Variants in DCX observed in about 807,000 individuals in gnomAD.
DCX encodes neuronal migration protein doublecortin.
A neutral mutation model predicts 20.9 loss-of-function variants in DCX; 4 were observed. That is an observed-to-expected ratio of 0.19 (90% CI 0.09 to 0.44). The LOEUF (loss-of-function observed/expected upper bound fraction) is 0.44. Among genes scored for constraint, DCX ranks in the 20% least tolerant of loss-of-function variants. The probability of loss-of-function intolerance (pLI) is 0.99; values close to 1 mark genes in which losing one functional copy is unlikely to be tolerated. For synonymous variants in DCX, 103 were observed against 111.4 expected (o/e 0.92, Z 0.47); for missense variants, 133 against 296.9 (o/e 0.45, Z 4.06).
chrX:111,346,382 A>G (rs1922826474), intron 3 of DCX, among the ~76,000 whole-genome samples: 1 of 112,753 alleles, frequency 8.9e-6, no homozygotes. Context: ...GCTACAAAAA[A>G]GAATGCAGTT....
intron 3 of DCX, among the ~76,000 whole-genome samples, chrX:111,381,703 C>T (rs947027536): frequency 7.2e-5 from 8 of 111,260 alleles, no homozygotes; most frequent in Admixed American, 1.9e-4. Context: ...TCTATTAAGA[C>T]GTAACTCCCA....
intron 3 of DCX, among the ~76,000 whole-genome samples, chrX:111,370,363 C>T (rs1422456401): frequency 8.9e-6 from 1 of 111,745 alleles, no homozygotes; most frequent in Admixed American, 9.5e-5. Flanking sequence ...ATAGCATGAG[C>T]ATCACCTAAA....
At chrX:111,386,146 A>G (rs760353007) in intron 3 of DCX, among the ~76,000 whole-genome samples, 1 of 110,819 alleles carries the variant, frequency 9.0e-6, no homozygotes, top group African/African-American at 3.3e-5. Context: ...AGCTAGGGGG[A>G]TGGGAACCTA....
chrX:111,398,585 A>G (rs1355312401), intron 3 of DCX, among the ~76,000 whole-genome samples: 1 of 111,350 alleles, frequency 9.0e-6, no homozygotes, highest in Non-Finnish European at 1.9e-5. Context: ...ATATGCTGGT[A>G]TTTTGTAATA....
intron 3 of DCX, among the ~76,000 whole-genome samples, chrX:111,365,268 C>CATT (rs1463371385): frequency 6.5e-5 from 7 of 108,509 alleles, no homozygotes; most frequent in Non-Finnish European, 1.3e-4. Flanking sequence ...ACTGTTCACT[C>CATT]ATTATTTATG....
Position 111,350,900 on chromosome X carries a change from A to G in DCX, c.706-17747T>C, listed in dbSNP as rs141885728. The stretch of plus-strand genomic sequence containing the variant: ...GGCAAGGATGAGCAAGTCACATCTT[A>G]CTTACATGGTGGCAGAGAAGAGGGA... On this transcript the variant is annotated intron_variant, in intron 3 of 6. Coordinates refer to ENST00000636035, the MANE Select transcript of DCX (RefSeq NM_001195553.2). 6.9e-4 allele frequency among the ~76,000 whole-genome samples: 78 copies of G among 112,251 alleles called. No homozygotes were observed. The East Asian group carries it at 0.02, about 29-fold the overall frequency.
chrX:111,379,641 C>G (rs1925810525), intron 3 of DCX, among the ~76,000 whole-genome samples: 1 of 111,465 alleles, frequency 9.0e-6, no homozygotes. Flanking sequence ...TTGTTTTCAC[C>G]TTTTTGCTAT....
At position 111,302,973 on chromosome X, in the gene DCX, A is replaced by G. The variant is rs184406604; in HGVS notation, c.1045-1230T>C. Among the ~76,000 whole-genome samples, 334 of 111,760 alleles carry G rather than the reference A, an allele frequency of 3.0e-3. 3 individuals are homozygous for G. The highest frequency in any genetic ancestry group is 0.01 in the African/African-American group (322 of 30,787). On this transcript the variant is annotated intron_variant, in intron 6 of 6. Transcript: ENST00000636035. ...AAACATTTTTAATTTTTGAGATCCA[A>G]TTTACCCAATTTATCAGTTTTTATT...
intron 6 of DCX, among the ~76,000 whole-genome samples, chrX:111,312,056 A>T (rs943413246): frequency 8.9e-6 from 1 of 112,477 alleles, no homozygotes; most frequent in Admixed American, 9.4e-5. Flanking sequence ...TTATTTAATG[A>T]TATACTTATT....
intron 6 of DCX, among the ~76,000 whole-genome samples, chrX:111,302,191 T>C (rs1294629838): frequency 7.1e-5 from 8 of 112,077 alleles, no homozygotes; most frequent in African/African-American, 2.6e-4. Context: ...AACAATGTTA[T>C]ATGAATGAAA....
chrX:111,387,068 G>A (rs976672051), intron 3 of DCX, among the ~76,000 whole-genome samples: 1 of 111,875 alleles, frequency 8.9e-6, no homozygotes, highest in Admixed American at 9.5e-5. Flanking sequence ...TAAACCTTCA[G>A]TGAGTCATAC....
At chrX:111,391,096 T>C (rs1258195655) in intron 3 of DCX, among the ~76,000 whole-genome samples, 1 of 111,338 alleles carries the variant, frequency 9.0e-6, no homozygotes, top group African/African-American at 3.3e-5. Flanking sequence ...CCCACCCAAA[T>C]TTCATGTTGA....
rs34496887 is a variant in DCX, at chrX:111,328,937, TA to T, written c.946+1966del. The stretch of plus-strand genomic sequence containing the variant: ...TTTCTTGCCCACCAAAACTGTGAGA[TA>T]AAAAAAAAATGCCTTTTCTTTAAGC... On this transcript the variant is annotated intron_variant, in intron 5 of 6. Coordinates refer to ENST00000636035, the MANE Select transcript of DCX (RefSeq NM_001195553.2). Among the ~76,000 whole-genome samples, 106 of 107,053 alleles carry T rather than the reference TA, an allele frequency of 9.9e-4. 1 individual carries two copies. Among genetic ancestry groups the T allele is most frequent in the Admixed American group, 3.2e-3 (32 of 10,003 alleles). 93.0% of individuals were successfully genotyped at this position (107,053 alleles called of 115,157 possible).
intron 3 of DCX, among the ~76,000 whole-genome samples, chrX:111,387,472 C>G (rs947552219): frequency 2.7e-5 from 3 of 111,559 alleles, no homozygotes; most frequent in African/African-American, 9.8e-5. Flanking sequence ...ACTCACACTT[C>G]TTTTAATCAG....
At chrX:111,308,761 A>G (rs941413969) in intron 6 of DCX, among the ~76,000 whole-genome samples, 6 of 112,090 alleles carry the variant, frequency 5.4e-5, no homozygotes, top group African/African-American at 1.9e-4. Context: ...TAGTCTCTAG[A>G]CAACTTTGCA....
intron 3 of DCX, among the ~76,000 whole-genome samples, chrX:111,369,757 C>T (rs1004636040): frequency 8.9e-6 from 1 of 111,741 alleles, no homozygotes. Context: ...TGCTGCCATC[C>T]AGGGGGTGAG....
chrX:111,371,833 T>G (rs1925104432), intron 3 of DCX, among the ~76,000 whole-genome samples: 1 of 111,097 alleles, frequency 9.0e-6, no homozygotes, highest in African/African-American at 3.3e-5. Context: ...CCACACTTCC[T>G]TTTGTATGCA....
At position 111,325,941 on chromosome X, in the gene DCX, G is replaced by A. The variant is rs180685384; in HGVS notation, c.946+4963C>T. Among the ~76,000 whole-genome samples, 571 of 111,516 alleles carry A rather than the reference G, an allele frequency of 5.1e-3. 3 individuals carry two copies. The highest frequency in any genetic ancestry group is 0.018 in the African/African-American group (539 of 30,719). ...GGTCTAGACAGTCACTTTCAGGAAG[G>A]TCAGAATGACCAAGTCCCTCTATCT... On this transcript the variant is annotated intron_variant, in intron 5 of 6. Coordinates refer to ENST00000636035, the MANE Select transcript of DCX (RefSeq NM_001195553.2).
intron 1 of DCX, among the ~76,000 whole-genome samples, chrX:111,411,372 T>C (rs1019795722): frequency 3.7e-5 from 4 of 109,298 alleles, no homozygotes; most frequent in African/African-American, 1.3e-4. Context: ...CACCTTTCAT[T>C]GTTCTGGGTT....
Sources: allele counts gnomAD v4.1 joint callset (sites outside exome capture counted in the v4.1 genomes callset), GRCh38; gene constraint gnomAD v4.1.1; transcripts MANE v1.5; gene names NCBI Gene and HGNC (gene_info 2026-07-23, HGNC 2026-07-21).